Variants in NAGPA observed in about 807,000 individuals in gnomAD.
The protein encoded by NAGPA is N-acetylglucosamine-1-phosphodiester alpha-N-acetylglucosaminidase, also known as alpha-N-acetylglucosaminyl phosphodiesterase.
A neutral mutation model predicts 48.5 loss-of-function variants in NAGPA; 56 were observed. The ratio of observed to expected loss-of-function variants is 1.15; its 90% confidence interval spans 0.93 to 1.44. The LOEUF is 1.44. NAGPA is among the 40% of genes most tolerant of loss of function. NAGPA has a pLI of 0.00. For missense variants in NAGPA, 888 were observed against 735.0 expected (o/e 1.21, Z -2.41); for synonymous variants, 399 against 315.5 (o/e 1.26, Z -2.81).
intron 5 of NAGPA, chr16:5,028,428 A>T: frequency 2.5e-6 from 2 of 797,672 alleles, no homozygotes; most frequent in South Asian, 1.5e-5. Context: ...TCATAAAGAC[A>T]GGGTCTATGT....
At chr16:5,030,743 G>A in intron 3 of NAGPA, 1 of 554,090 alleles carries the variant, frequency 1.8e-6, no homozygotes, top group Non-Finnish European at 3.2e-6. Flanking sequence ...CCTGTTCTTA[G>A]AACAAAATCC....
chr16:5,031,896 G>C lies in NAGPA; in HGVS notation c.543-12C>G, dbSNP rs1330345900. On this transcript the variant is annotated splice_polypyrimidine_tract_variant and intron_variant, in intron 2 of 9. Coordinates refer to ENST00000312251, the MANE Select transcript of NAGPA (RefSeq NM_016256.4). The stretch of plus-strand genomic sequence containing the variant: ...CCTCAGACAGGTACCTGGATCCGGG[G>C]AAGGTGGGAAGCTCACTCACCAGCA... The C allele has an allele frequency of 1.2e-6, 2 of 1,614,112 alleles. No individual in the cohort carries two copies. Among genetic ancestry groups the C allele is most frequent in the Non-Finnish European group, 1.7e-6 (2 of 1,180,010 alleles).
At chr16:5,028,820 G>C (rs1956049587) in intron 5 of NAGPA, 60 bp downstream of exon 5, 3 of 1,612,068 alleles carry the variant, frequency 1.9e-6, no homozygotes, top group East Asian at 4.5e-5. Context: ...TTGGCTGAAT[G>C]AGACAGGCTG....
chr16:5,033,220 C>T lies in NAGPA; in HGVS notation c.542+53G>A, dbSNP rs1956134493. 1 of 1,544,114 alleles carries T rather than the reference C, an allele frequency of 6.5e-7. No homozygotes were observed. The highest frequency in any genetic ancestry group is 1.4e-5 in the African/African-American group (1 of 73,432). ...CTTGAACACGGAGGCACGGCTACAACCCAAATCTCAGGCCCTCTGCCCTCG... is the reference window on the plus strand; with the variant it reads ...CTTGAACACGGAGGCACGGCTACAATCCAAATCTCAGGCCCTCTGCCCTCG... On this transcript the variant is annotated intron_variant, in intron 2 of 9. Coordinates refer to ENST00000312251, the MANE Select transcript of NAGPA (RefSeq NM_016256.4). This position sits in a 1 kb window ranked among gnomAD's most constrained non-coding sequence, Gnocchi z 4.2.
intron 5 of NAGPA, 29 bp from the exon 6 acceptor site, chr16:5,028,214 G>A (rs8060705): frequency 6.4e-7 from 1 of 1,550,826 alleles, no homozygotes; most frequent in East Asian, 2.4e-5. Flanking sequence ...TGTGAGGAGA[G>A]GACACCCCCA....
chr16:5,027,398 AG>A lies in NAGPA; in HGVS notation c.1175-20del. 1.8e-5 allele frequency: 10 copies of A among 557,294 alleles called. No individual in the cohort carries two copies. Among genetic ancestry groups the A allele is most frequent in the Non-Finnish European group, 2.6e-5 (10 of 388,904 alleles). The allele number at this position is 557,294 out of a possible 1,614,324, so 34.5% of individuals were successfully genotyped here. A position where few individuals can be genotyped will look rare whatever the true frequency, so the allele number is the denominator to read the frequency against. On this transcript the variant is annotated intron_variant, in intron 7 of 9. Transcript: ENST00000312251. ...GGACACTCTATGGAAAGGAGATGGG[AG>A]GAGGGAGGAGGGAGGAGAAAGGTTG... is the stretch of plus-strand genomic sequence containing the variant.
Position 5,030,481 on chromosome 16 carries a change from TTGCTA to T in NAGPA, c.690_694del (p.Phe230LeufsTer102), listed in dbSNP as rs1956079275. On this transcript the variant is annotated frameshift_variant, in exon 4 of 10. Coordinates refer to ENST00000312251, the MANE Select transcript of NAGPA (RefSeq NM_016256.4). LOFTEE classifies it high-confidence loss of function. ...CCTGGCTGATATCACATTCACAAATTTGCTAAAGGAACCTGAAGGAAAAGCAGCCT... is the reference window on the plus strand; with the variant it reads ...CCTGGCTGATATCACATTCACAAATTAAGGAACCTGAAGGAAAAGCAGCCT... The T allele has an allele frequency of 1.9e-6, 3 of 1,553,460 alleles. No individual in the cohort carries two copies. In the East Asian group the frequency reaches 7.3e-5, roughly 38 times the overall value.
rs776070820 is a variant in NAGPA at position 5,030,405 on chromosome 16, G to T, written c.771C>A (p.Asp257Glu). 1 of 1,552,336 alleles carries T rather than the reference G, an allele frequency of 6.4e-7. No individual in the cohort carries two copies. The highest frequency in any genetic ancestry group is 1.4e-5 in the African/African-American group (1 of 73,186). ...RKGQLVLFHA[D>E]GQTEQRGINL... ...CTCACCCACGCTGCTCCGTTTGGCC[G>T]TCTGCATGAAAGAGCACCAGCTGCC... The change falls in exon 4 of 10, where the codon GAC (aspartate) becomes GAA (glutamate). Residue 257 changes from aspartate (D) to glutamate (E), a missense_variant. Physicochemically the swap from Asp to Glu is conservative, Grantham distance 45. Coordinates refer to ENST00000312251, the MANE Select transcript of NAGPA (RefSeq NM_016256.4).
chr16:5,030,436 C>T lies in NAGPA; in HGVS notation c.740G>A (p.Arg247Gln), dbSNP rs375819673. 80 of 1,554,232 alleles carry T rather than the reference C, an allele frequency of 5.1e-5. No homozygotes were observed. In the Middle Eastern group the frequency reaches 6.7e-4, roughly 13 times the overall value. ...ISARTAIGHDRKGQLVLFHAD... is the reference protein window; with the variant it reads ...ISARTAIGHDQKGQLVLFHAD... ...ATGAAAGAGCACCAGCTGCCCTTTCCGGTCGTGGCCAATGGCCGTCCTGGC... is the reference window on the plus strand; with the variant it reads ...ATGAAAGAGCACCAGCTGCCCTTTCTGGTCGTGGCCAATGGCCGTCCTGGC... The change falls in exon 4 of 10, where the codon CGG (arginine) becomes CAG (glutamine). Residue 247 changes from arginine (R) to glutamine (Q), a missense_variant. By Grantham distance (43) the Arg-to-Gln change is conservative. Transcript: ENST00000312251.
intron 9 of NAGPA, among the ~76,000 whole-genome samples, chr16:5,026,159 C>T (rs1365981466): frequency 6.7e-6 from 1 of 149,754 alleles, no homozygotes; most frequent in Non-Finnish European, 1.5e-5. Flanking sequence ...GAACTCCTGA[C>T]CTCAAGTGAT....
chr16:5,032,843 G>A (rs1266844019), intron 2 of NAGPA: 3 of 232,480 alleles, frequency 1.3e-5, no homozygotes, highest in Non-Finnish European at 1.7e-5. Context: ...CTCACTTAGT[G>A]ATTCATCTTC....
rs762120588 is a variant in NAGPA, at chr16:5,027,355, G to A, written c.1199C>T (p.Pro400Leu). 37 of 1,613,950 alleles carry A rather than the reference G, an allele frequency of 2.3e-5. No homozygotes were observed. In the Admixed American group the frequency reaches 5.0e-4, roughly 22 times the overall value. Reference sequence around the variant, plus strand: ...ACACTTACAAGGCCTCTGGCAGCCCGGCCCATGCCAGCCAAGGGGACACTC... The same window carrying A: ...ACACTTACAAGGCCTCTGGCAGCCCAGCCCATGCCAGCCAAGGGGACACTC... ...SEECPLGWHG[P>L]GCQRPCKCEH... is the part of the protein sequence containing the mutation. Residue 400 changes from proline (P) to leucine (L), a missense_variant, in exon 8 of 10, where the codon CCG (proline) becomes CTG (leucine). Physicochemically the swap from Pro to Leu is moderately conservative, Grantham distance 98. Transcript: ENST00000312251.
rs1028906891 is a variant in NAGPA, at chr16:5,033,163, G to A, written c.542+110C>T. 1.1e-5 allele frequency: 14 copies of A among 1,263,864 alleles called. No homozygotes were observed. Among genetic ancestry groups the A allele is most frequent in the African/African-American group, 4.4e-5 (3 of 67,656 alleles). 78.3% of individuals were successfully genotyped at this position (1,263,864 alleles called of 1,614,324 possible). ...GCGATTCCTATCCCCATTCTGCAGAGGAGGAAACAGGGGCTCAGCTTGGTT... is the reference window on the plus strand; with the variant it reads ...GCGATTCCTATCCCCATTCTGCAGAAGAGGAAACAGGGGCTCAGCTTGGTT... On this transcript the variant is annotated intron_variant, in intron 2 of 9. Transcript: ENST00000312251. The surrounding 1 kb of genome is among the most constrained non-coding windows in gnomAD (Gnocchi z 4.2).
In NAGPA at chr16:5,025,245, C is replaced by G. The variant is rs2937113; in HGVS notation, c.*233G>C. On this transcript the variant is annotated 3_prime_UTR_variant, in exon 10 of 10. Coordinates refer to ENST00000312251, the MANE Select transcript of NAGPA (RefSeq NM_016256.4). ...TTCTCGGCAGCAGACACAGGCAGGC[C>G]AGAAGCAGGCAGCTGAGCCTCTCCA... The G allele has an allele frequency of 1, 590,177 of 590,938 alleles. 294,714 individuals are homozygous for G. Among genetic ancestry groups the G allele is most frequent in the South Asian group, 1 (50,159 of 50,164 alleles). 36.6% of individuals were successfully genotyped at this position (590,938 alleles called of 1,614,324 possible).
Position 5,033,073 on chromosome 16 carries a change from C to G in NAGPA, c.542+200G>C. On this transcript the variant is annotated intron_variant, in intron 2 of 9. Coordinates refer to ENST00000312251, the MANE Select transcript of NAGPA (RefSeq NM_016256.4). The surrounding 1 kb of genome is among the most constrained non-coding windows in gnomAD (Gnocchi z 4.2). Reference sequence around the variant, plus strand: ...TGTTCACGGCTATCTCACCGGGGCGCGGCACATTGCCTGATACAAGCAAGT... The same window carrying G: ...TGTTCACGGCTATCTCACCGGGGCGGGGCACATTGCCTGATACAAGCAAGT... 1.5e-6 allele frequency: 1 copy of G among 656,602 alleles called. No individual in the cohort carries two copies. Among genetic ancestry groups the G allele is most frequent in the South Asian group, 1.9e-5 (1 of 53,062 alleles). The allele number at this position is 656,602 out of a possible 1,614,324, so 40.7% of individuals were successfully genotyped here.
intron 4 of NAGPA, chr16:5,029,372 G>C: frequency 5.7e-6 from 2 of 349,830 alleles, no homozygotes; most frequent in South Asian, 4.5e-5. Flanking sequence ...CTGGGGGAGA[G>C]GACACACATG....
Position 5,025,450 on chromosome 16 carries a change from G to A in NAGPA, c.*28C>T, listed in dbSNP as rs375305900. ...AGACCGTGGGGAAACAAGCTTTCGC[G>A]ACGTGCCACCCCGGGCAGCTTGAGG... On this transcript the variant is annotated 3_prime_UTR_variant, in exon 10 of 10. Transcript: ENST00000312251. The A allele has an allele frequency of 6.8e-6, 11 of 1,609,276 alleles. No homozygotes were observed. Among genetic ancestry groups the A allele is most frequent in the African/African-American group, 6.7e-5 (5 of 74,786 alleles).
chr16:5,026,517 G>T (rs1490678678), intron 9 of NAGPA, among the ~76,000 whole-genome samples: 1 of 152,144 alleles, frequency 6.6e-6, no homozygotes, highest in East Asian at 2.0e-4. Flanking sequence ...CTAGGCAACA[G>T]AGTGAGACCC....
chr16:5,027,086 G>C (rs1184311623), intron 9 of NAGPA, 49 bp downstream of exon 9: 1 of 1,601,756 alleles, frequency 6.2e-7, no homozygotes, highest in Non-Finnish European at 8.5e-7. Flanking sequence ...GTGCGGGAGA[G>C]AAGGGGGATT....
Sources: gnomAD v4.1 joint callset for allele counts (sites outside exome capture counted in the v4.1 genomes callset) on GRCh38, gnomAD v4.1.1 for gene constraint, Gnocchi (gnomAD v3.1) non-coding constraint, MANE v1.5 for transcripts, NCBI Gene and HGNC (gene_info 2026-07-23, HGNC 2026-07-21) for gene names.